The following WWOX variants were observed in gnomAD, a reference collection of about 807,000 sequenced individuals.
WWOX encodes WW domain containing oxidoreductase, also known as WW domain-containing oxidoreductase.
A neutral mutation model predicts 46.2 loss-of-function variants in WWOX; 69 were observed. The observed-to-expected ratio is 1.49, with a 90% confidence interval of 1.23 to 1.82. The LOEUF (loss-of-function observed/expected upper bound fraction) is 1.82, where lower values mean the gene tolerates loss of function less well. Ranked by LOEUF, WWOX falls within the 40% of genes most tolerant of loss-of-function variation. WWOX has a pLI of 0.00. For synonymous variants in WWOX, 359 were observed against 202.6 expected (o/e 1.77, Z -6.56); for missense variants, 919 against 542.6 (o/e 1.69, Z -6.89).
chr16:78,901,790 G>A (rs912634259), intron 8 of WWOX, among the ~76,000 whole-genome samples: 4 of 152,216 alleles, frequency 2.6e-5, no homozygotes, highest in African/African-American at 9.6e-5. Context: ...CGCCTAGCGA[G>A]GTAGTCAGTG....
chr16:79,081,424 A>T (rs970275853), intron 8 of WWOX, among the ~76,000 whole-genome samples: 4 of 152,314 alleles, frequency 2.6e-5, no homozygotes, highest in Admixed American at 6.5e-5. Context: ...TTGGCCTCCC[A>T]AAGCGCTGGG....
In WWOX at chr16:78,374,769, C is replaced by G. The variant is rs145705357; in HGVS notation, c.517-12091C>G. Among the ~76,000 whole-genome samples the G allele has an allele frequency of 4.0e-3, 603 of 152,076 alleles. 7 individuals are homozygous for G. Among genetic ancestry groups the G allele is most frequent in the African/African-American group, 0.014 (580 of 41,470 alleles). On this transcript the variant is annotated intron_variant, in intron 5 of 8. Transcript: ENST00000566780. The stretch of plus-strand genomic sequence containing the variant: ...GTTTCACCGTGTTAGCCAGGATGGT[C>G]TTGATCTCCTGACCTTGTGGTCCGT...
intron 8 of WWOX, among the ~76,000 whole-genome samples, chr16:78,541,231 C>T (rs2246933): frequency 0.98 from 149,345 of 151,732 alleles, 73,531 homozygotes; most frequent in East Asian, 1. Context: ...TCCCAGCACT[C>T]TGGGAGGCCG....
intron 8 of WWOX, among the ~76,000 whole-genome samples, chr16:79,075,755 G>C (rs1458606447): frequency 6.6e-6 from 1 of 152,030 alleles, no homozygotes; most frequent in East Asian, 1.9e-4. Flanking sequence ...GTCTCATCTG[G>C]TGATTTTTCA....
At chr16:78,459,965 C>T (rs557922488) in intron 8 of WWOX, among the ~76,000 whole-genome samples, 3 of 151,710 alleles carry the variant, frequency 2.0e-5, no homozygotes, top group South Asian at 2.1e-4. Flanking sequence ...CCAGCACACC[C>T]AGCTAATTTT....
chr16:79,018,978 C>G (rs772119532), intron 8 of WWOX, among the ~76,000 whole-genome samples: 6 of 151,342 alleles, frequency 4.0e-5, no homozygotes, highest in East Asian at 1.9e-4. Flanking sequence ...TGGCAAAACC[C>G]CATCTCTACA....
At chr16:78,709,169 C>T (rs1040409061) in intron 8 of WWOX, among the ~76,000 whole-genome samples, 5 of 152,192 alleles carry the variant, frequency 3.3e-5, no homozygotes, top group African/African-American at 1.2e-4. Flanking sequence ...GGAGGAAGAA[C>T]TGGAGAGAGG....
At chr16:79,096,892 T>C (rs1260478460) in intron 8 of WWOX, among the ~76,000 whole-genome samples, 1 of 152,050 alleles carries the variant, frequency 6.6e-6, no homozygotes, top group Non-Finnish European at 1.5e-5. Context: ...CTAGATTCTT[T>C]ATACTCTGGG....
At chr16:78,721,059 C>G (rs1168358364) in intron 8 of WWOX, among the ~76,000 whole-genome samples, 1 of 151,992 alleles carries the variant, frequency 6.6e-6, no homozygotes, top group Non-Finnish European at 1.5e-5. Context: ...AGATTGAGGT[C>G]GTTTATTGGT....
intron 8 of WWOX, among the ~76,000 whole-genome samples, chr16:79,157,907 T>G (rs915089708): frequency 2.0e-5 from 3 of 152,166 alleles, no homozygotes; most frequent in Non-Finnish European, 4.4e-5. Flanking sequence ...TGTCCCTATT[T>G]TTCTGGTACC....
Position 78,939,207 on chromosome 16 carries a change from G to C in WWOX, c.1057-272401G>C, listed in dbSNP as rs114957485. On this transcript the variant is annotated intron_variant, in intron 8 of 8. Transcript: ENST00000566780. ...TATATAATCATCAACGTATATTCAT[G>C]GAGCATCTTCTGTCTGCTAGACACA... 5.3e-3 allele frequency among the ~76,000 whole-genome samples: 799 copies of C among 152,128 alleles called. 8 individuals are homozygous for C. The highest frequency in any genetic ancestry group is 0.019 in the African/African-American group (768 of 41,500).
intron 8 of WWOX, among the ~76,000 whole-genome samples, chr16:78,951,700 C>T (rs12148948): frequency 0.057 from 8,727 of 152,192 alleles, 331 homozygotes; most frequent in Non-Finnish European, 0.086. Flanking sequence ...CTACCCAGTA[C>T]CGGGGAACCA....
intron 5 of WWOX, among the ~76,000 whole-genome samples, chr16:78,352,340 C>T (rs183161819): frequency 2.0e-5 from 3 of 152,168 alleles, no homozygotes; most frequent in Admixed American, 6.5e-5. Flanking sequence ...TTTTGGAGGT[C>T]AGTGGTCCAA....
intron 6 of WWOX, among the ~76,000 whole-genome samples, chr16:78,399,248 A>G (rs1266149015): frequency 5.9e-5 from 9 of 152,220 alleles, no homozygotes; most frequent in Non-Finnish European, 1.0e-4. Context: ...CTGAACTTCT[A>G]AGGTGCCGAT....
Position 78,542,223 on chromosome 16 carries a change from C to T in WWOX, c.1056+109471C>T, listed in dbSNP as rs190122286. On this transcript the variant is annotated intron_variant, in intron 8 of 8. Transcript: ENST00000566780. ...ATCTCCAGCCCTCCGTAAACACTGCCGGATGGATGAACCTACGTAATGATC... is the reference window on the plus strand; with the variant it reads ...ATCTCCAGCCCTCCGTAAACACTGCTGGATGGATGAACCTACGTAATGATC... 3.1e-3 allele frequency among the ~76,000 whole-genome samples: 475 copies of T among 151,972 alleles called. 2 individuals are homozygous for T. Among genetic ancestry groups the T allele is most frequent in the Non-Finnish European group, 4.5e-3 (309 of 67,980 alleles).
intron 5 of WWOX, among the ~76,000 whole-genome samples, chr16:78,182,330 C>A (rs989285381): frequency 1.3e-5 from 2 of 152,128 alleles, no homozygotes; most frequent in African/African-American, 4.8e-5. Flanking sequence ...TGGGGCTCTG[C>A]CTACCTGTCT....
At chr16:78,449,701 A>C (rs2151408837) in intron 8 of WWOX, among the ~76,000 whole-genome samples, 1 of 152,332 alleles carries the variant, frequency 6.6e-6, no homozygotes, top group East Asian at 1.9e-4. Context: ...GGGAGGTAAG[A>C]TTTAGTCATT....
chr16:78,759,959 A>G (rs1329261273), intron 8 of WWOX, among the ~76,000 whole-genome samples: 1 of 152,024 alleles, frequency 6.6e-6, no homozygotes, highest in Non-Finnish European at 1.5e-5. Flanking sequence ...TGTGACTCTG[A>G]CCTTCTTGCT....
At chr16:78,719,800 T>C (rs2048649538) in intron 8 of WWOX, among the ~76,000 whole-genome samples, 1 of 152,190 alleles carries the variant, frequency 6.6e-6, no homozygotes, top group Admixed American at 6.5e-5. Context: ...ATGTTTTCTC[T>C]TATTATAACA....
Sources: allele counts gnomAD v4.1 joint callset (sites outside exome capture counted in the v4.1 genomes callset), GRCh38; gene constraint gnomAD v4.1.1; transcripts MANE v1.5; gene names NCBI Gene and HGNC (gene_info 2026-07-23, HGNC 2026-07-21).